Variants in SPOCK3 observed in about 807,000 individuals in gnomAD.
SPOCK3 encodes testican-3.
A neutral mutation model predicts 56.6 loss-of-function variants in SPOCK3; 30 were observed. The observed-to-expected ratio is 0.53, with a 90% CI of 0.40 to 0.72. The LOEUF (loss-of-function observed/expected upper bound fraction) is 0.72. Ranked by LOEUF, SPOCK3 falls within the 30% of genes least tolerant of loss-of-function variation. The probability of loss-of-function intolerance (pLI) is 0.00; values close to 1 mark genes in which losing one functional copy is unlikely to be tolerated. For synonymous variants in SPOCK3, 196 were observed against 183.3 expected (o/e 1.07, Z -0.56); for missense variants, 527 against 530.0 (o/e 0.99, Z 0.06).
intron 6 of SPOCK3, among the ~76,000 whole-genome samples, chr4:166,833,573 T>C (rs1366251559): frequency 6.6e-6 from 1 of 152,188 alleles, no homozygotes; most frequent in Non-Finnish European, 1.5e-5. Flanking sequence ...TATAGTAATA[T>C]TAATATGGTT....
chr4:167,114,210 G>A (rs867910781), intron 2 of SPOCK3, among the ~76,000 whole-genome samples: 2 of 152,084 alleles, frequency 1.3e-5, no homozygotes, highest in Non-Finnish European at 1.5e-5. Context: ...TGAAGGCATC[G>A]GAGAGCTAGC....
At chr4:166,805,408 T>C (rs529768230) in intron 6 of SPOCK3, among the ~76,000 whole-genome samples, 1 of 152,148 alleles carries the variant, frequency 6.6e-6, no homozygotes, top group East Asian at 1.9e-4. Context: ...TTGATGGTAA[T>C]TTAATGGTCA....
At position 166,792,260 on chromosome 4, in the gene SPOCK3, C is replaced by T. The variant is rs148795482; in HGVS notation, c.619G>A (p.Ala207Thr). The change falls in exon 7 of 11, where the codon GCA becomes ACA. Residue 207 changes from alanine to threonine, a missense_variant. Coordinates refer to ENST00000357545, the MANE Select transcript of SPOCK3 (RefSeq NM_001040159.2). Reference protein sequence around the residue: ...ACSDLEFREVANRLRDWFKAL... With the variant: ...ACSDLEFREVTNRLRDWFKAL... ...TTGAACCAGTCCCGCAATCTGTTTGCCACTTCCCTGAACTCCAGGTCACTG... is the reference window on the plus strand; with the variant it reads ...TTGAACCAGTCCCGCAATCTGTTTGTCACTTCCCTGAACTCCAGGTCACTG... 3.0e-5 allele frequency: 49 copies of T among 1,613,626 alleles called. No individual in the cohort carries two copies. The African/African-American group carries it at 6.0e-4, about 20-fold the overall frequency.
intron 3 of SPOCK3, among the ~76,000 whole-genome samples, chr4:167,048,868 T>C (rs932616390): frequency 2.6e-5 from 4 of 152,162 alleles, no homozygotes; most frequent in African/African-American, 9.7e-5. Context: ...TAAATAATGA[T>C]AGATACATAT....
At chr4:167,123,174 A>G (rs1762000098) in intron 2 of SPOCK3, among the ~76,000 whole-genome samples, 1 of 152,076 alleles carries the variant, frequency 6.6e-6, no homozygotes, top group African/African-American at 2.4e-5. Flanking sequence ...GAAAAGTTGA[A>G]TAATGTTTAA....
intron 8 of SPOCK3, among the ~76,000 whole-genome samples, chr4:166,744,149 T>TGCC (rs1398098605): frequency 3.3e-5 from 5 of 152,168 alleles, no homozygotes; most frequent in Non-Finnish European, 7.4e-5. Flanking sequence ...ACAAACAGAC[T>TGCC]GCCTCCTCAA....
At chr4:167,202,764 A>T (rs1392406640) in intron 2 of SPOCK3, among the ~76,000 whole-genome samples, 1 of 151,836 alleles carries the variant, frequency 6.6e-6, no homozygotes, top group African/African-American at 2.4e-5. Context: ...TCAATAAAAA[A>T]AAAAACTATG....
intron 3 of SPOCK3, among the ~76,000 whole-genome samples, chr4:167,028,113 T>C (rs1229553497): frequency 6.6e-6 from 1 of 151,984 alleles, no homozygotes; most frequent in Non-Finnish European, 1.5e-5. Flanking sequence ...TTCTTTTTAA[T>C]TGAGTAAAAT....
intron 2 of SPOCK3, among the ~76,000 whole-genome samples, chr4:167,177,000 AT>A (rs1293100046): frequency 6.6e-6 from 1 of 152,092 alleles, no homozygotes; most frequent in Non-Finnish European, 1.5e-5. Flanking sequence ...AGACAGGGCT[AT>A]TTTTTCAAGA....
Position 166,844,725 on chromosome 4 carries a change from T to C in SPOCK3, c.589+44405A>G, listed in dbSNP as rs1266307917. Reference sequence around the variant, plus strand: ...ATATCTATACAGATATACATCTCTATACATATCTATATCTACATCTATATC... The same window carrying C: ...ATATCTATACAGATATACATCTCTACACATATCTATATCTACATCTATATC... On this transcript the variant is annotated intron_variant, in intron 6 of 10. Coordinates refer to ENST00000357545, the MANE Select transcript of SPOCK3 (RefSeq NM_001040159.2). Among the ~76,000 whole-genome samples, 4 of 152,332 alleles carry C rather than the reference T, an allele frequency of 2.6e-5. No homozygotes were observed. In the East Asian group the frequency reaches 7.7e-4, roughly 29 times the overall value.
intron 2 of SPOCK3, among the ~76,000 whole-genome samples, chr4:167,125,219 A>T (rs1315392947): frequency 6.8e-6 from 1 of 147,368 alleles, no homozygotes; most frequent in Non-Finnish European, 1.5e-5. Context: ...TTATTTATTT[A>T]TTTATTTATT....
At chr4:167,035,877 C>G (rs1243535286) in intron 3 of SPOCK3, among the ~76,000 whole-genome samples, 1 of 152,090 alleles carries the variant, frequency 6.6e-6, no homozygotes, top group Non-Finnish European at 1.5e-5. Context: ...CTGATTTCTG[C>G]AACTCCATGT....
At chr4:166,766,678 G>T (rs1006553206) in intron 7 of SPOCK3, among the ~76,000 whole-genome samples, 5 of 152,104 alleles carry the variant, frequency 3.3e-5, no homozygotes, top group African/African-American at 9.7e-5. Flanking sequence ...GCCAGGCTTT[G>T]GTATCACAAT....
chr4:166,959,817 A>G (rs1743940061), intron 4 of SPOCK3, among the ~76,000 whole-genome samples: 1 of 152,154 alleles, frequency 6.6e-6, no homozygotes, highest in African/African-American at 2.4e-5. Context: ...ACCATATATA[A>G]TATATGACAA....
intron 3 of SPOCK3, among the ~76,000 whole-genome samples, chr4:167,012,555 A>G (rs1014465273): frequency 6.6e-6 from 1 of 152,030 alleles, no homozygotes. Context: ...AAAAAAATTA[A>G]GAAAACTAAG....
intron 3 of SPOCK3, among the ~76,000 whole-genome samples, chr4:167,000,911 A>G (rs1748887166): frequency 1.3e-5 from 2 of 152,204 alleles, no homozygotes; most frequent in African/African-American, 4.8e-5. Context: ...GTGGACATTA[A>G]TGGATATCTT....
In SPOCK3 at chr4:167,109,027, TA is replaced by T. The variant is rs1318558487; in HGVS notation, c.190-46491del. On this transcript the variant is annotated intron_variant, in intron 2 of 10. Transcript: ENST00000357545. Reference sequence around the variant, plus strand: ...ATAAATATATACTTATATAAAAATATATATAAATATATACTTATATAAAAAT... The same window carrying T: ...ATAAATATATACTTATATAAAAATATTATAAATATATACTTATATAAAAAT... Among the ~76,000 whole-genome samples the T allele has an allele frequency of 2.7e-4, 24 of 88,044 alleles. 5 individuals carry two copies. Among genetic ancestry groups the T allele is most frequent in the Non-Finnish European group, 3.9e-4 (19 of 49,094 alleles). 57.8% of individuals were successfully genotyped at this position (88,044 alleles called of 152,430 possible).
chr4:167,041,919 T>C (rs897002012), intron 3 of SPOCK3, among the ~76,000 whole-genome samples: 2 of 151,990 alleles, frequency 1.3e-5, no homozygotes, highest in Non-Finnish European at 2.9e-5. Flanking sequence ...AATGAAAAAA[T>C]GGTAAAATGT....
intron 3 of SPOCK3, among the ~76,000 whole-genome samples, chr4:167,058,947 T>C (rs1439539518): frequency 6.6e-6 from 1 of 152,142 alleles, no homozygotes; most frequent in African/African-American, 2.4e-5. Flanking sequence ...TGGCCAGCCA[T>C]ATGTAGAAAG....
Sources: gnomAD v4.1 joint callset for allele counts (sites outside exome capture counted in the v4.1 genomes callset) on GRCh38, gnomAD v4.1.1 for gene constraint, MANE v1.5 for transcripts, NCBI Gene and HGNC (gene_info 2026-07-23, HGNC 2026-07-21) for gene names.